Variants in HEPHL1 observed in about 807,000 individuals in gnomAD.
HEPHL1 encodes hephaestin like 1, also known as ferroxidase HEPHL1.
A neutral mutation model predicts 122.0 loss-of-function variants in HEPHL1; 123 were observed. The ratio of observed to expected loss-of-function variants is 1.01; its 90% CI spans 0.87 to 1.17. The LOEUF is 1.17. Among genes scored for constraint, HEPHL1 ranks in the 50% most tolerant of loss-of-function variants. The pLI, the probability that HEPHL1 is intolerant of heterozygous loss-of-function variation, is 0.00. For synonymous variants in HEPHL1, 527 were observed against 508.9 expected, an observed-to-expected ratio of 1.04 and a Z score of -0.48; for missense variants, 1,452 against 1,430.5, an observed-to-expected ratio of 1.01 and a Z score of -0.24.
intron 14 of HEPHL1, 25 bp from the exon 15 acceptor site, chr11:94,102,889 A>T (rs766874056): frequency 3.5e-5 from 40 of 1,156,136 alleles, no homozygotes; most frequent in African/African-American, 4.5e-5. Context: ...ATTCTAATAA[A>T]TTTTTTCCAT....
rs1424741074 is a variant in HEPHL1, at chr11:94,045,660, T to G, written c.171-13T>G. 6.4e-7 allele frequency: 1 copy of G among 1,572,750 alleles called. No individual in the cohort carries two copies. The highest frequency in any genetic ancestry group is 8.6e-7 in the Non-Finnish European group (1 of 1,158,316). ...TTCATTTCAATTAAAAATGTTTTTC[T>G]TCTTACTTTTAGACTTGCAACCTTA... On this transcript the variant is annotated splice_polypyrimidine_tract_variant and intron_variant, in intron 1 of 19. Coordinates refer to ENST00000315765, the MANE Select transcript of HEPHL1 (RefSeq NM_001098672.2).
chr11:94,055,636 T>C, intron 2 of HEPHL1: 1 of 391,704 alleles, frequency 2.6e-6, no homozygotes, highest in South Asian at 2.0e-5. Flanking sequence ...CTCATCATAG[T>C]CCTTTCCAAT....
intron 2 of HEPHL1, among the ~76,000 whole-genome samples, chr11:94,053,434 T>G (rs1461139317): frequency 1.3e-5 from 2 of 152,064 alleles, no homozygotes; most frequent in Non-Finnish European, 2.9e-5. Flanking sequence ...TTTTGTATTT[T>G]TTTTCTGTTT....
At chr11:94,073,793 A>T (rs1416623266) in intron 8 of HEPHL1, among the ~76,000 whole-genome samples, 1 of 152,140 alleles carries the variant, frequency 6.6e-6, no homozygotes, top group Non-Finnish European at 1.5e-5. Context: ...TGCAGGTTGC[A>T]TAGGATTCTG....
At chr11:94,042,844 G>A (rs1945795826) in intron 1 of HEPHL1, among the ~76,000 whole-genome samples, 1 of 109,834 alleles carries the variant, frequency 9.1e-6, no homozygotes, top group African/African-American at 3.5e-5. Flanking sequence ...CCTGCACATT[G>A]TGCACATGTA....
At position 94,101,352 on chromosome 11, in the gene HEPHL1, G is replaced by T. The variant is rs777933589; in HGVS notation, c.2575+17G>T. 6.2e-7 allele frequency: 1 copy of T among 1,604,836 alleles called. No homozygotes were observed. The highest frequency in any genetic ancestry group is 8.5e-7 in the Non-Finnish European group (1 of 1,173,760). ...CAAAACCAGGTAAGTTGTGTCAGAG[G>T]TCTGCTCCATCTTGAAGAAGAACAT... is the stretch of plus-strand genomic sequence containing the variant. On this transcript the variant is annotated intron_variant, in intron 14 of 19. Transcript: ENST00000315765.
chr11:94,082,895 C>T (rs1469774580), intron 10 of HEPHL1, among the ~76,000 whole-genome samples: 1 of 152,044 alleles, frequency 6.6e-6, no homozygotes, highest in Non-Finnish European at 1.5e-5. Context: ...AGGAGACCAG[C>T]CTGGCCAATA....
In HEPHL1 at chr11:94,088,979, C is replaced by A; in HGVS notation, c.2294+11C>A. 1.9e-6 allele frequency: 3 copies of A among 1,612,784 alleles called. No individual in the cohort carries two copies. Among genetic ancestry groups the A allele is most frequent in the Non-Finnish European group, 2.5e-6 (3 of 1,178,830 alleles). ...CGCAAGAGGGGAAAGGTACCACAGG[C>A]GCCGCCGCTAGGGCTCCTCGGTGGG... On this transcript the variant is annotated intron_variant, in intron 12 of 19. Transcript: ENST00000315765.
chr11:94,021,567 C>T (rs748321442), intron 1 of HEPHL1, 29 bp downstream of exon 1: 1 of 1,553,384 alleles, frequency 6.4e-7, no homozygotes, highest in East Asian at 2.3e-5. Context: ...CTCATTGACT[C>T]CCAGGTTTGG....
chr11:94,024,850 G>A (rs1407801380), intron 1 of HEPHL1, among the ~76,000 whole-genome samples: 3 of 152,122 alleles, frequency 2.0e-5, no homozygotes, highest in South Asian at 2.1e-4. Context: ...TTCCCTGCAC[G>A]GAACTTTGTC....
chr11:94,049,441 T>G (rs1376718629), intron 2 of HEPHL1, among the ~76,000 whole-genome samples: 1 of 151,896 alleles, frequency 6.6e-6, no homozygotes, highest in Non-Finnish European at 1.5e-5. Context: ...AGTATGGAGA[T>G]TCTTCAAAAA....
At chr11:94,081,064 G>T (rs918870431) in intron 9 of HEPHL1, among the ~76,000 whole-genome samples, 3 of 152,142 alleles carry the variant, frequency 2.0e-5, no homozygotes, top group Admixed American at 1.3e-4. Flanking sequence ...CTTTTGACAG[G>T]CTGGATAAAC....
chr11:94,047,376 T>G (rs893926259), intron 2 of HEPHL1, among the ~76,000 whole-genome samples: 1 of 152,116 alleles, frequency 6.6e-6, no homozygotes, highest in Non-Finnish European at 1.5e-5. Flanking sequence ...CACCCTCTGC[T>G]AGGCCCCAGT....
At chr11:94,067,322 C>A (rs1206045764) in intron 4 of HEPHL1, among the ~76,000 whole-genome samples, 174 bp from the exon 5 acceptor site, 6 of 152,180 alleles carry the variant, frequency 3.9e-5, no homozygotes, top group Non-Finnish European at 5.9e-5. Flanking sequence ...AAAAACATTT[C>A]ATTTCTCTTT....
intron 2 of HEPHL1, among the ~76,000 whole-genome samples, chr11:94,061,736 T>C (rs971798569): frequency 1.3e-5 from 2 of 152,122 alleles, no homozygotes; most frequent in African/African-American, 4.8e-5. Flanking sequence ...TGAGAGAAAA[T>C]GTAAGAAATT....
intron 2 of HEPHL1, among the ~76,000 whole-genome samples, chr11:94,058,722 TTTTTA>T (rs1945960998): frequency 6.6e-6 from 1 of 152,070 alleles, no homozygotes; most frequent in Non-Finnish European, 1.5e-5. Flanking sequence ...TTAAATTTTA[TTTTTA>T]TTTTATTTGT....
intron 2 of HEPHL1, among the ~76,000 whole-genome samples, chr11:94,060,547 TAAG>T (rs1945979176): frequency 6.6e-6 from 1 of 152,064 alleles, no homozygotes; most frequent in Admixed American, 6.6e-5. Flanking sequence ...ACCTAACAGA[TAAG>T]AAGCTAAGAG....
chr11:94,061,740 A>C (rs945622387), intron 2 of HEPHL1, among the ~76,000 whole-genome samples: 8 of 152,212 alleles, frequency 5.3e-5, no homozygotes, highest in African/African-American at 1.9e-4. Flanking sequence ...AGAAAATGTA[A>C]GAAATTGTTT....
chr11:94,046,633 C>T (rs1402818560), intron 2 of HEPHL1, among the ~76,000 whole-genome samples: 3 of 150,964 alleles, frequency 2.0e-5, no homozygotes, highest in Non-Finnish European at 2.9e-5. Flanking sequence ...ATCCCCACTC[C>T]TTGCTTCAGG....
Sources: allele counts gnomAD v4.1 joint callset (sites outside exome capture counted in the v4.1 genomes callset), GRCh38; gene constraint gnomAD v4.1.1; transcripts MANE v1.5; gene names NCBI Gene and HGNC (gene_info 2026-07-23, HGNC 2026-07-21).